The following PCF11 variants were observed in gnomAD, a reference collection of about 807,000 sequenced individuals.
PCF11 encodes the protein PCF11 cleavage and polyadenylation factor subunit.
PCF11 carries 19 observed loss-of-function variants against 166.1 expected under a neutral mutation model. That is an observed-to-expected ratio of 0.11 (90% CI 0.08 to 0.17). PCF11 has a LOEUF of 0.17. Ranked by LOEUF, PCF11 falls within the 10% of genes least tolerant of loss-of-function variation. PCF11 has a pLI of 1.00. For missense variants in PCF11, 1,565 were observed against 1,855.5 expected (o/e 0.84, Z 2.88); for synonymous variants, 663 against 644.1 (o/e 1.03, Z -0.44).
chr11:83,183,871 C>G (rs1262586165), intron 15 of PCF11, among the ~76,000 whole-genome samples: 2 of 151,544 alleles, frequency 1.3e-5, no homozygotes, highest in Non-Finnish European at 2.9e-5. Context: ...AAATGGTCGG[C>G]TGGGCGTGGT....
chr11:83,177,200 A>G (rs1860916768), exon 10 of PCF11: 1 of 1,546,716 alleles, frequency 6.5e-7, no homozygotes, highest in East Asian at 2.4e-5. Context: ...ATTCAGCTAC[A>G]ACACGTAAGT....
chr11:83,157,964 G>C (rs1447445590), intron 1 of PCF11: 3 of 253,770 alleles, frequency 1.2e-5, no homozygotes, highest in Non-Finnish European at 2.3e-5. Flanking sequence ...GGGGAAGTAA[G>C]AGTTAACATA....
chr11:83,165,945 G>A, exon 5 of PCF11: 1 of 1,607,090 alleles, frequency 6.2e-7, no homozygotes, highest in South Asian at 1.1e-5. Flanking sequence ...TAAATCAGGT[G>A]AAAAAATAAC....
At chr11:83,165,688 T>C in exon 5 of PCF11, 2 of 1,613,766 alleles carry the variant, frequency 1.2e-6, no homozygotes, top group Non-Finnish European at 1.7e-6. Context: ...ATTCCCCCTA[T>C]GGCAGTTAAA....
In PCF11 at chr11:83,165,527, T is replaced by C. The variant is rs1219271598; in HGVS notation, c.703-73T>C. ...ATTTATTGAATAAAGCATTATCTTC[T>C]TCAGTTGTTTGCAATTTCTTGACAA... On this transcript the variant is annotated intron_variant, in intron 4 of 15. Transcript: ENST00000298281. The C allele has an allele frequency of 1.2e-5, 13 of 1,120,194 alleles. No individual in the cohort carries two copies. The African/African-American group carries it at 1.2e-4, about 11-fold the overall frequency. 69.4% of individuals were successfully genotyped at this position (1,120,194 alleles called of 1,614,324 possible).
intron 3 of PCF11, 38 bp downstream of exon 3, chr11:83,163,905 A>G (rs1860350965): frequency 2.2e-5 from 21 of 939,672 alleles, no homozygotes; most frequent in Non-Finnish European, 3.2e-5. Flanking sequence ...CATACTTTTA[A>G]GTATCACATT....
chr11:83,165,810 C>G, exon 5 of PCF11: 1 of 1,610,680 alleles, frequency 6.2e-7, no homozygotes, highest in Non-Finnish European at 8.5e-7. Context: ...GATAAGCCAA[C>G]ATTCTCATGG....
Position 83,157,474 on chromosome 11 carries a change from CG to C in PCF11, c.40del (p.Ala14ProfsTer16). On this transcript the variant is annotated frameshift_variant, in exon 1 of 16. Coordinates refer to ENST00000298281, the Ensembl canonical transcript of PCF11. LOFTEE classifies it high-confidence loss of function. ...CAGACGCCGGCCGAGGCCGGTGCTG[CG>C]GGGGCCCGGGAGGACGCCTGTCGGG... The C allele has an allele frequency of 6.2e-7, 1 of 1,612,504 alleles. No individual in the cohort carries two copies.
At chr11:83,182,132 G>A (rs1861106621) in intron 13 of PCF11, 123 bp downstream of exon 13, 1 of 844,144 alleles carries the variant, frequency 1.2e-6, no homozygotes, top group South Asian at 2.2e-5. Context: ...CTTCTTGAAA[G>A]CTCTACTCTT....
chr11:83,177,256 G>T, intron 10 of PCF11, 52 bp downstream of exon 10: 2 of 1,337,778 alleles, frequency 1.5e-6, no homozygotes, highest in South Asian at 3.1e-5. Flanking sequence ...AAGTTTTTGA[G>T]ATGTATGATG....
At chr11:83,161,327 G>A in exon 2 of PCF11, 1 of 1,589,426 alleles carries the variant, frequency 6.3e-7, no homozygotes, top group East Asian at 2.3e-5. Context: ...TTTTATTCAG[G>A]CTCCTTCCTC....
Position 83,167,330 on chromosome 11 carries a change from A to T in PCF11, c.2001+22A>T. ...AAAGGTAGTTACTATGATTAATCCCATGTAGTCATCATTATCTATCGTCTA... is the reference window on the plus strand; with the variant it reads ...AAAGGTAGTTACTATGATTAATCCCTTGTAGTCATCATTATCTATCGTCTA... On this transcript the variant is annotated intron_variant, in intron 6 of 15. Transcript: ENST00000298281. The surrounding 1 kb of genome is among the most constrained non-coding windows in gnomAD (Gnocchi z 4.2). 1 of 1,579,414 alleles carries T rather than the reference A, an allele frequency of 6.3e-7. No individual in the cohort carries two copies. Among genetic ancestry groups the T allele is most frequent in the Non-Finnish European group, 8.6e-7 (1 of 1,161,864 alleles).
At chr11:83,168,594 T>C in exon 8 of PCF11, 1 of 1,613,998 alleles carries the variant, frequency 6.2e-7, no homozygotes, top group Non-Finnish European at 8.5e-7. Flanking sequence ...CGTTATTTGA[T>C]GGACCTAGTA....
exon 5 of PCF11, chr11:83,165,878 T>C (rs1287873961): frequency 6.2e-7 from 1 of 1,605,230 alleles, no homozygotes; most frequent in Non-Finnish European, 8.5e-7. Flanking sequence ...AGTCTGATAC[T>C]AAGACAAGTA....
intron 3 of PCF11, 30 bp from the exon 4 acceptor site, chr11:83,164,177 T>A: frequency 6.4e-7 from 1 of 1,551,200 alleles, no homozygotes; most frequent in Non-Finnish European, 8.8e-7. Flanking sequence ...GCTGATACGT[T>A]TTTCTTAAAC....
chr11:83,166,084 A>G (rs1339646432), exon 5 of PCF11: 1 of 1,611,016 alleles, frequency 6.2e-7, no homozygotes, highest in Admixed American at 1.7e-5. Context: ...AGGTTGTCTG[A>G]TATGAACAAG....
exon 5 of PCF11, chr11:83,165,615 G>C: frequency 6.2e-7 from 1 of 1,610,848 alleles, no homozygotes; most frequent in East Asian, 2.2e-5. Context: ...TTCTCTTAGT[G>C]TTCAGCAGGA....
Position 83,166,861 on chromosome 11 carries a change from T to C in PCF11, c.1817+147T>C, listed in dbSNP as rs569908562. 108 of 746,496 alleles carry C rather than the reference T, an allele frequency of 1.4e-4. No homozygotes were observed. The South Asian group carries it at 1.5e-3, about 11-fold the overall frequency. 46.2% of individuals were successfully genotyped at this position (746,496 alleles called of 1,614,324 possible). On this transcript the variant is annotated intron_variant, in intron 5 of 15. Coordinates refer to ENST00000298281, the Ensembl canonical transcript of PCF11. ...CATCTCTGTGGGTTAAATACTATTA[T>C]TATTTCTATTTTACAGATAAGGAAA...
chr11:83,161,825 T>C (rs1860266637), intron 2 of PCF11, among the ~76,000 whole-genome samples: 1 of 152,202 alleles, frequency 6.6e-6, no homozygotes, highest in African/African-American at 2.4e-5. Context: ...ATGTTGACTG[T>C]TCTCTTGGGG....
Sources: allele counts gnomAD v4.1 joint callset (sites outside exome capture counted in the v4.1 genomes callset), GRCh38; gene constraint gnomAD v4.1.1; non-coding constraint Gnocchi (gnomAD v3.1); transcripts MANE v1.5; gene names NCBI Gene and HGNC (gene_info 2026-07-23, HGNC 2026-07-21).